The following GSG1L variants were observed in gnomAD, a reference collection of about 807,000 sequenced individuals.
GSG1L encodes the protein germ cell-specific gene 1-like protein.
In GSG1L, 24 loss-of-function variants were observed where a neutral mutation model predicts 42.1. The ratio of observed to expected loss-of-function variants is 0.57; its 90% confidence interval spans 0.41 to 0.80. GSG1L has a LOEUF of 0.80. Among genes scored for constraint, GSG1L ranks in the 30% least tolerant of loss-of-function variants. The pLI is 0.00. For synonymous variants in GSG1L, 215 were observed against 203.5 expected (o/e 1.06, Z -0.48); for missense variants, 445 against 472.2 (o/e 0.94, Z 0.53).
chr16:27,890,998 G>A (rs570272267), intron 2 of GSG1L, among the ~76,000 whole-genome samples: 7 of 152,282 alleles, frequency 4.6e-5, no homozygotes, highest in East Asian at 3.9e-4. Flanking sequence ...ACCTGCTGGC[G>A]CCTGTGTCTC....
chr16:28,012,893 C>CAAAAA (rs34003980), intron 1 of GSG1L, among the ~76,000 whole-genome samples: 12 of 128,478 alleles, frequency 9.3e-5, no homozygotes, highest in African/African-American at 3.7e-4. Context: ...CAAGAACTCT[C>CAAAAA]AAAAAAAAAA....
intron 2 of GSG1L, among the ~76,000 whole-genome samples, chr16:27,927,320 G>A (rs1018808766): frequency 6.6e-6 from 1 of 151,882 alleles, no homozygotes; most frequent in Non-Finnish European, 1.5e-5. Flanking sequence ...CAATTTTTTT[G>A]TAGAGATGGG....
chr16:27,841,311 G>T (rs1232652462), intron 4 of GSG1L, among the ~76,000 whole-genome samples: 1 of 152,208 alleles, frequency 6.6e-6, no homozygotes, highest in African/African-American at 2.4e-5. Flanking sequence ...TGGCCCAGCA[G>T]TGTATGTCGG....
intron 3 of GSG1L, among the ~76,000 whole-genome samples, chr16:27,852,045 C>T (rs917610715): frequency 6.6e-6 from 1 of 152,164 alleles, no homozygotes; most frequent in African/African-American, 2.4e-5. Context: ...ATGCTTTATG[C>T]GAATGCCACG....
At chr16:27,991,101 A>T (rs949002826) in intron 1 of GSG1L, among the ~76,000 whole-genome samples, 1 of 152,206 alleles carries the variant, frequency 6.6e-6, no homozygotes, top group Non-Finnish European at 1.5e-5. Context: ...TCTTTGGTAG[A>T]AAAGGGGAAT....
intron 1 of GSG1L, among the ~76,000 whole-genome samples, chr16:28,012,910 G>T (rs932095757): frequency 1.9e-5 from 2 of 107,340 alleles, no homozygotes; most frequent in African/African-American, 3.5e-5. Flanking sequence ...AAAAAAAAAA[G>T]TTACTTCAAT....
intron 1 of GSG1L, among the ~76,000 whole-genome samples, chr16:28,012,810 T>G (rs1567555591): frequency 6.7e-6 from 1 of 150,368 alleles, no homozygotes; most frequent in Non-Finnish European, 1.5e-5. Context: ...GGTGGGAGGA[T>G]CACTTGAGCC....
At chr16:27,909,314 T>G (rs928496933) in intron 2 of GSG1L, among the ~76,000 whole-genome samples, 2 of 152,130 alleles carry the variant, frequency 1.3e-5, no homozygotes, top group African/African-American at 4.8e-5. Flanking sequence ...AACAATTATT[T>G]TTTCTTTTCT....
intron 1 of GSG1L, among the ~76,000 whole-genome samples, chr16:27,979,046 C>T (rs946352011): frequency 6.6e-6 from 1 of 152,138 alleles, no homozygotes; most frequent in Non-Finnish European, 1.5e-5. Flanking sequence ...TCAAATCCAT[C>T]CTCTGCCTCC....
intron 3 of GSG1L, among the ~76,000 whole-genome samples, chr16:27,855,681 C>G (rs921392432): frequency 3.5e-4 from 50 of 142,804 alleles, no homozygotes; most frequent in Non-Finnish European, 4.9e-4. Context: ...GATTGTGTCA[C>G]TGTACTCCAG....
intron 1 of GSG1L, among the ~76,000 whole-genome samples, chr16:27,979,765 A>G (rs563164571): frequency 1.4e-5 from 2 of 138,236 alleles, no homozygotes; most frequent in East Asian, 2.2e-4. Context: ...AAAGAAAGAA[A>G]GAAGGAAAGA....
At chr16:28,016,291 C>A (rs376071815) in intron 1 of GSG1L, among the ~76,000 whole-genome samples, 1 of 152,082 alleles carries the variant, frequency 6.6e-6, no homozygotes, top group African/African-American at 2.4e-5. Flanking sequence ...GCACCTGGAA[C>A]CAATCATAGT....
At chr16:27,892,485 C>T (rs189949784) in intron 2 of GSG1L, among the ~76,000 whole-genome samples, 37 of 152,096 alleles carry the variant, frequency 2.4e-4, no homozygotes, top group African/African-American at 8.0e-4. Flanking sequence ...TCACCTTGGC[C>T]GGGCTTGGTG....
chr16:27,875,935 T>C (rs2083882087), intron 3 of GSG1L, among the ~76,000 whole-genome samples: 1 of 152,194 alleles, frequency 6.6e-6, no homozygotes, highest in Non-Finnish European at 1.5e-5. Context: ...TATAGATTCC[T>C]GATTACATGA....
intron 1 of GSG1L, among the ~76,000 whole-genome samples, chr16:27,986,201 T>C (rs1216221839): frequency 1.3e-5 from 2 of 152,052 alleles, no homozygotes; most frequent in Non-Finnish European, 2.9e-5. Context: ...CATGTTTAGA[T>C]AAGAAAAGTG....
In GSG1L at chr16:27,997,886, G is replaced by A. The variant is rs182811319; in HGVS notation, c.350-34683C>T. Among the ~76,000 whole-genome samples the A allele has an allele frequency of 7.9e-4, 93 of 118,368 alleles. 4 individuals are homozygous for A. In the East Asian group the frequency reaches 0.02, roughly 25 times the overall value. 77.7% of individuals were successfully genotyped at this position (118,368 alleles called of 152,430 possible). On this transcript the variant is annotated intron_variant, in intron 1 of 6. Transcript: ENST00000447459. ...TTTTTTTTTTTTTTTTTGAGATAGA[G>A]TCTCACTCTGCTACCCAGGCTGGAG... is the stretch of plus-strand genomic sequence containing the variant.
chr16:27,958,335 G>A (rs1472429125), intron 2 of GSG1L, among the ~76,000 whole-genome samples: 1 of 151,120 alleles, frequency 6.6e-6, no homozygotes, highest in Admixed American at 6.6e-5. Context: ...AACCTGGGAG[G>A]TGGAGGTTGC....
chr16:27,807,718 A>G (rs2082983231), intron 5 of GSG1L, among the ~76,000 whole-genome samples, 164 bp from the exon 6 acceptor site: 1 of 152,178 alleles, frequency 6.6e-6, no homozygotes, highest in Non-Finnish European at 1.5e-5. Context: ...CAACCTTGTG[A>G]GATGGGCATC....
Position 27,791,429 on chromosome 16 carries a change from A to C in GSG1L, c.937T>G (p.Ser313Ala), listed in dbSNP as rs747678420. ...TTCAGCTCTGGTGCTTCCTGTGCGGAGCTCCGGGGCCAGGAATCCGCCATG... is the reference window on the plus strand; with the variant it reads ...TTCAGCTCTGGTGCTTCCTGTGCGGCGCTCCGGGGCCAGGAATCCGCCATG... ...PHMADSWPRS[S>A]AQEAPELNRQ... The change falls in exon 7 of 7, where the codon TCC becomes GCC. Residue 313 changes from serine (S) to alanine (A), a missense_variant. Coordinates refer to ENST00000447459, the MANE Select transcript of GSG1L (RefSeq NM_001109763.2). The C allele has an allele frequency of 6.6e-7, 1 of 1,521,536 alleles. No individual in the cohort carries two copies. The highest frequency in any genetic ancestry group is 8.9e-7 in the Non-Finnish European group (1 of 1,128,790). 94.3% of individuals were successfully genotyped at this position (1,521,536 alleles called of 1,614,324 possible). A position where few individuals can be genotyped will look rare whatever the true frequency, so the allele number is the denominator to read the frequency against.
Sources: allele counts gnomAD v4.1 joint callset (sites outside exome capture counted in the v4.1 genomes callset), GRCh38; gene constraint gnomAD v4.1.1; transcripts MANE v1.5; gene names NCBI Gene and HGNC (gene_info 2026-07-23, HGNC 2026-07-21).